Variants in VAMP8 observed in about 807,000 individuals in gnomAD.
VAMP8 encodes the protein vesicle-associated membrane protein 8.
VAMP8 carries 9 observed loss-of-function variants against 11.4 expected under a neutral mutation model. The ratio of observed to expected loss-of-function variants is 0.79; its 90% CI spans 0.48 to 1.38. The LOEUF is 1.38. Ranked by LOEUF, VAMP8 falls within the 40% of genes most tolerant of loss-of-function variation. The pLI is 0.00. For missense variants in VAMP8, 108 were observed against 127.8 expected, an observed-to-expected ratio of 0.85 and a Z score of 0.75; for synonymous variants, 42 against 44.7, an observed-to-expected ratio of 0.94 and a Z score of 0.24.
At position 85,579,025 on chromosome 2, in the gene VAMP8, G is replaced by A; in HGVS notation, c.20G>A (p.Gly7Asp). The change falls in exon 2 of 3, where the codon GGT (glycine) becomes GAT (aspartate). Residue 7 changes from glycine (G) to aspartate (D), a missense_variant. By Grantham distance (94) the Gly-to-Asp change is moderately conservative (BLOSUM62 -1). Transcript: ENST00000263864. MEEASE[G>D]GGNDRVRNLQ... ...GCCGCACAGGAGGAAGCCAGTGAAG[G>A]TGGAGGAAATGATCGTGTGCGGAAC... 6.2e-7 allele frequency: 1 copy of A among 1,605,944 alleles called. No individual in the cohort carries two copies.
intron 2 of VAMP8, 67 bp from the exon 3 acceptor site, chr2:85,581,509 G>T: frequency 1.9e-6 from 3 of 1,577,036 alleles, no homozygotes; most frequent in Non-Finnish European, 2.6e-6. Context: ...GGCTGCACTT[G>T]TACTCTTATA....
At chr2:85,578,373 G>T (rs2104027692) in intron 1 of VAMP8, among the ~76,000 whole-genome samples, 1 of 152,316 alleles carries the variant, frequency 6.6e-6, no homozygotes, top group African/African-American at 2.4e-5. Flanking sequence ...GCATAAGCAG[G>T]CGGTTGCTTG....
At position 85,579,156 on chromosome 2, in the gene VAMP8, C is replaced by G. The variant is rs941702590; in HGVS notation, c.151C>G (p.Leu51Val). The change falls in exon 2 of 3, where the codon CTG becomes GTG. Residue 51 changes from leucine to valine, a missense_variant. Transcript: ENST00000263864. ...ACATCTCCGCAACAAGACAGAGGAT[C>G]TGGAAGCCACAGTGAGACAGGGAGC... ...LEHLRNKTED[L>V]EATSEHFKTT... The G allele has an allele frequency of 6.3e-7, 1 of 1,595,036 alleles. No homozygotes were observed. Among genetic ancestry groups the G allele is most frequent in the Non-Finnish European group, 8.6e-7 (1 of 1,167,412 alleles).
chr2:85,580,381 G>A (rs939713844), intron 2 of VAMP8, among the ~76,000 whole-genome samples: 2 of 152,084 alleles, frequency 1.3e-5, no homozygotes, highest in Admixed American at 6.5e-5. Context: ...CAGCAGTCCC[G>A]ATGGGGCAAG....
At chr2:85,581,486 A>T in intron 2 of VAMP8, 90 bp from the exon 3 acceptor site, 2 of 1,442,240 alleles carry the variant, frequency 1.4e-6, no homozygotes, top group Non-Finnish European at 1.9e-6. Context: ...AAAAAAAAAA[A>T]GTATGGCCTG....
rs1004433308 is a variant in VAMP8, at chr2:85,579,671, C to T, written c.162+504C>T. ...CAGTGAAATGCTTTGATCCCAGGGTCCCCTGCTAGATGAAGGCTAAAATAA... is the reference window on the plus strand; with the variant it reads ...CAGTGAAATGCTTTGATCCCAGGGTTCCCTGCTAGATGAAGGCTAAAATAA... On this transcript the variant is annotated intron_variant, in intron 2 of 2. Coordinates refer to ENST00000263864, the MANE Select transcript of VAMP8 (RefSeq NM_003761.5). 15 of 1,518,026 alleles carry T rather than the reference C, an allele frequency of 9.9e-6. No homozygotes were observed. The East Asian group carries it at 2.0e-4, about 20-fold the overall frequency. The allele number at this position is 1,518,026 out of a possible 1,614,324, so 94.0% of individuals were successfully genotyped here. A position where few individuals can be genotyped will look rare whatever the true frequency, so the allele number is the denominator to read the frequency against.
chr2:85,578,880 C>G (rs1405866152), intron 1 of VAMP8, 129 bp from the exon 2 acceptor site: 2 of 976,752 alleles, frequency 2.0e-6, no homozygotes, highest in Non-Finnish European at 3.0e-6. Flanking sequence ...AAAACATTCT[C>G]TTTGTAAACA....
Position 85,581,518 on chromosome 2 carries a change from T to C in VAMP8, c.163-58T>C, listed in dbSNP as rs1672378467. 4 of 1,602,838 alleles carry C rather than the reference T, an allele frequency of 2.5e-6. No individual in the cohort carries two copies. The East Asian group carries it at 6.7e-5, about 27-fold the overall frequency. On this transcript the variant is annotated intron_variant, in intron 2 of 2. Coordinates refer to ENST00000263864, the MANE Select transcript of VAMP8 (RefSeq NM_003761.5). ...CCTGTGGGCTGCACTTGTACTCTTA[T>C]AATCTTGTTCCAGTGGGAGGAGCCA...
intron 2 of VAMP8, among the ~76,000 whole-genome samples, chr2:85,580,061 C>T (rs1672344405): frequency 6.6e-6 from 1 of 151,990 alleles, no homozygotes; most frequent in South Asian, 2.1e-4. Context: ...AAACGATTCT[C>T]GTGCCTCAGC....
chr2:85,578,470 G>GT (rs1280925355), intron 1 of VAMP8, among the ~76,000 whole-genome samples: 1 of 152,226 alleles, frequency 6.6e-6, no homozygotes, highest in East Asian at 1.9e-4. Flanking sequence ...TTGGTTGCCT[G>GT]TTGTTCTGGG....
intron 1 of VAMP8, among the ~76,000 whole-genome samples, chr2:85,578,286 C>T (rs1040097620): frequency 6.6e-6 from 1 of 152,118 alleles, no homozygotes; most frequent in Non-Finnish European, 1.5e-5. Context: ...ATGAAGCCTC[C>T]GAGATGAGAC....
intron 2 of VAMP8, 90 bp from the exon 3 acceptor site, chr2:85,581,486 A>C: frequency 6.9e-7 from 1 of 1,442,242 alleles, no homozygotes; most frequent in Non-Finnish European, 9.3e-7. Flanking sequence ...AAAAAAAAAA[A>C]GTATGGCCTG....
At position 85,581,583 on chromosome 2, in the gene VAMP8, A is replaced by T; in HGVS notation, c.170A>T (p.His57Leu). 6.2e-7 allele frequency: 1 copy of T among 1,614,124 alleles called. No homozygotes were observed. Among genetic ancestry groups the T allele is most frequent in the Non-Finnish European group, 8.5e-7 (1 of 1,180,020 alleles). ...CTGCCTTTTCCCCAACAGTCTGAGCACTTCAAGACGACATCGCAGAAGGTG... is the reference window on the plus strand; with the variant it reads ...CTGCCTTTTCCCCAACAGTCTGAGCTCTTCAAGACGACATCGCAGAAGGTG... ...KTEDLEATSE[H>L]FKTTSQKVAR... Residue 57 changes from histidine to leucine, a missense_variant, in exon 3 of 3, where the codon CAC becomes CTC. Transcript: ENST00000263864.
At chr2:85,577,998 G>T (rs1285718907) in intron 1 of VAMP8, among the ~76,000 whole-genome samples, 2 of 152,166 alleles carry the variant, frequency 1.3e-5, no homozygotes, top group Non-Finnish European at 2.9e-5. Flanking sequence ...GCAGCGCCTG[G>T]GCAGTTCCCA....
chr2:85,581,881 C>G lies in VAMP8; in HGVS notation c.*165C>G, dbSNP rs1672385307. On this transcript the variant is annotated 3_prime_UTR_variant, in exon 3 of 3. Transcript: ENST00000263864. Reference sequence around the variant, plus strand: ...CCATGTTGTATGCCCCAGAAGGTACCTTGGTCCCCCGGAAGGAGAGAAAAA... The same window carrying G: ...CCATGTTGTATGCCCCAGAAGGTACGTTGGTCCCCCGGAAGGAGAGAAAAA... 3 of 919,702 alleles carry G rather than the reference C, an allele frequency of 3.3e-6. No homozygotes were observed. In the Admixed American group the frequency reaches 7.6e-5, roughly 23 times the overall value. 57.0% of individuals were successfully genotyped at this position (919,702 alleles called of 1,614,324 possible).
intron 2 of VAMP8, among the ~76,000 whole-genome samples, chr2:85,580,215 G>A (rs1672346795): frequency 6.6e-6 from 1 of 152,156 alleles, no homozygotes; most frequent in Admixed American, 6.5e-5. Flanking sequence ...GCCTCTCAAA[G>A]TGCTGGGATT....
intron 2 of VAMP8, among the ~76,000 whole-genome samples, chr2:85,580,322 G>A (rs1672349379): frequency 6.6e-6 from 1 of 152,056 alleles, no homozygotes; most frequent in African/African-American, 2.4e-5. Context: ...AGGAGGAGGA[G>A]TTCCCTTACT....
intron 2 of VAMP8, chr2:85,579,787 T>A (rs753955020): frequency 3.9e-6 from 6 of 1,550,686 alleles, no homozygotes; most frequent in South Asian, 2.4e-5. Flanking sequence ...AACTCCAAAG[T>A]TGAGCAAAGT....
chr2:85,578,617 G>A (rs1408998675), intron 1 of VAMP8, among the ~76,000 whole-genome samples: 2 of 152,186 alleles, frequency 1.3e-5, no homozygotes, highest in Non-Finnish European at 2.9e-5. Flanking sequence ...AGGAAAGGGG[G>A]GTGGCTCTGG....
Sources: allele counts gnomAD v4.1 joint callset (sites outside exome capture counted in the v4.1 genomes callset), GRCh38; gene constraint gnomAD v4.1.1; transcripts MANE v1.5; gene names NCBI Gene and HGNC (gene_info 2026-07-23, HGNC 2026-07-21).